The following NEBL variants were observed in gnomAD, a reference collection of about 807,000 sequenced individuals.
The protein encoded by NEBL is nebulette, also known as LIM and SH3 protein 2.
A neutral mutation model predicts 140.2 loss-of-function variants in NEBL; 122 were observed. The ratio of observed to expected loss-of-function variants is 0.87; its 90% CI spans 0.75 to 1.01. The LOEUF (loss-of-function observed/expected upper bound fraction) is 1.01, where lower values mean the gene tolerates loss of function less well. Ranked by LOEUF, NEBL falls within the 50% of genes least tolerant of loss-of-function variation. NEBL has a pLI of 0.00. For missense variants in NEBL, 1,365 were observed against 1,231.3 expected (o/e 1.11, Z -1.62); for synonymous variants, 436 against 398.9 (o/e 1.09, Z -1.11).
In NEBL at chr10:21,244,630, C is replaced by T. The variant is rs1019304569; in HGVS notation, n.348+3291G>A. On this transcript the variant is annotated intron_variant and non_coding_transcript_variant, in intron 3 of 8. Coordinates refer to the NEBL transcript ENST00000675702. ...TTGCACCACTGCACTCCAGCCTGGG[C>T]GAAAAGAGCAAGACTCTGTCTCAAA... Among the ~76,000 whole-genome samples, 85 of 150,656 alleles carry T rather than the reference C, an allele frequency of 5.6e-4. 1 individual carries two copies. The highest frequency in any genetic ancestry group is 1.9e-3 in the African/African-American group (80 of 41,082).
intron 2 of NEBL, among the ~76,000 whole-genome samples, chr10:21,075,717 C>T (rs985063765): frequency 6.6e-6 from 1 of 152,178 alleles, no homozygotes; most frequent in Non-Finnish European, 1.5e-5. Flanking sequence ...CAAGCTAGGG[C>T]ATCAACCATT....
intron 2 of NEBL, among the ~76,000 whole-genome samples, chr10:21,166,234 AAAAAAAAAAAAGAAAAGAAAAAAAAAT>A (rs935356122): frequency 7.8e-5 from 9 of 114,994 alleles, no homozygotes; most frequent in African/African-American, 2.4e-4. Flanking sequence ...AAAAAAAAAA[AAAAAAAAAAAAGAAAAGAAAAAAAAAT>A]TTTCTACATC....
chr10:20,808,164 G>T (rs1397905977), intron 26 of NEBL, among the ~76,000 whole-genome samples: 1 of 151,770 alleles, frequency 6.6e-6, no homozygotes, highest in African/African-American at 2.4e-5. Flanking sequence ...TAAAAACTAT[G>T]CAGAACTCAA....
rs537053489 is a variant in NEBL, at chr10:20,858,459, C to T, written c.799-115G>A. ...GACTATTTAGTGGTAAATGGACAGA[C>T]GAATTTACAAGGAGCCACTAGATGG... On this transcript the variant is annotated intron_variant, in intron 8 of 27. Transcript: ENST00000377122. 4.8e-5 allele frequency: 42 copies of T among 883,008 alleles called. No homozygotes were observed. In the Admixed American group the frequency reaches 4.8e-4, roughly 10 times the overall value. The allele number at this position is 883,008 out of a possible 1,614,324, so 54.7% of individuals were successfully genotyped here.
chr10:20,869,990 T>A (rs1844756372), intron 5 of NEBL, 149 bp from the exon 6 acceptor site: 1 of 664,980 alleles, frequency 1.5e-6, no homozygotes. Context: ...TCTATTTGTA[T>A]AGCTATATTA....
At chr10:21,207,851 T>G (rs1234985685) in intron 3 of NEBL, among the ~76,000 whole-genome samples, 2 of 152,090 alleles carry the variant, frequency 1.3e-5, no homozygotes, top group Admixed American at 1.3e-4. Context: ...CAGGGTCCAA[T>G]GGGGTGAATC....
chr10:20,793,398 T>C, intron 26 of NEBL: 2 of 963,930 alleles, frequency 2.1e-6, no homozygotes, highest in Middle Eastern at 1.1e-3. Context: ...GGACAGGAGA[T>C]TAAGGACTGA....
upstream of NEBL, among the ~76,000 whole-genome samples, chr10:21,177,857 C>T (rs7093130): frequency 0.15 from 22,089 of 151,974 alleles, 3,237 homozygotes; most frequent in African/African-American, 0.37. Flanking sequence ...AAAGGTGAGC[C>T]GTTAGAAGTG....
At chr10:21,068,607 C>G (rs1207390950) in intron 2 of NEBL, among the ~76,000 whole-genome samples, 3 of 152,160 alleles carry the variant, frequency 2.0e-5, no homozygotes, top group Non-Finnish European at 4.4e-5. Context: ...GACACCTGAC[C>G]ATAGACCCCG....
chr10:21,226,380 A>G (rs1021554455), intron 3 of NEBL, among the ~76,000 whole-genome samples: 2 of 152,074 alleles, frequency 1.3e-5, no homozygotes, highest in Non-Finnish European at 2.9e-5. Context: ...TGGTCACCCC[A>G]GCTAGCATCT....
chr10:21,016,359 G>A (rs1023435026), intron 3 of NEBL, among the ~76,000 whole-genome samples: 2 of 152,108 alleles, frequency 1.3e-5, no homozygotes, highest in Non-Finnish European at 2.9e-5. Context: ...TCTGGCACCT[G>A]ATATAGATTC....
chr10:21,214,483 A>G (rs7897353), intron 3 of NEBL, among the ~76,000 whole-genome samples: 25,347 of 151,316 alleles, frequency 0.17, 3,054 homozygotes, highest in African/African-American at 0.35. Context: ...ATGCACACAC[A>G]CGCGCACATT....
At chr10:20,943,046 G>A (rs1262762312) in intron 4 of NEBL, among the ~76,000 whole-genome samples, 3 of 152,146 alleles carry the variant, frequency 2.0e-5, no homozygotes, top group African/African-American at 7.2e-5. Flanking sequence ...CCTCAGGGAT[G>A]TAGAACTAGA....
At chr10:21,029,511 T>C (rs1441006827) in intron 2 of NEBL, 4 of 1,610,510 alleles carry the variant, frequency 2.5e-6, no homozygotes, top group Non-Finnish European at 3.4e-6. Flanking sequence ...TGGACGTTGC[T>C]GATCAAGCAC....
intron 26 of NEBL, among the ~76,000 whole-genome samples, chr10:20,789,626 C>T (rs1306318500): frequency 6.6e-6 from 1 of 152,084 alleles, no homozygotes; most frequent in Admixed American, 6.5e-5. Context: ...AGCAGGAGGA[C>T]TGCTTGAGCC....
chr10:20,819,467 G>C lies in NEBL; in HGVS notation c.2012C>G (p.Pro671Arg). 3 of 1,613,942 alleles carry C rather than the reference G, an allele frequency of 1.9e-6. No individual in the cohort carries two copies. Among genetic ancestry groups the C allele is most frequent in the Non-Finnish European group, 1.7e-6 (2 of 1,179,938 alleles). ...GTTTCGCCTCACTCTCTCTATCTCC[G>C]GGGTCATGCTTACCGGAGTGGCCTT... ...NYKATPVSMTPEIERVRRNQE... is the reference protein window; with the variant it reads ...NYKATPVSMTREIERVRRNQE... The change falls in exon 20 of 28, where the codon CCG becomes CGG. Residue 671 changes from proline to arginine, a missense_variant. Physicochemically the swap from Pro to Arg is moderately radical, Grantham distance 103. This residue lies in a region of NEBL where 1,323 missense variants were observed against 1,154.8 expected (regional missense o/e 1.15). Transcript: ENST00000377122.
At chr10:21,020,004 T>C in intron 3 of NEBL, 13 of 922,978 alleles carry the variant, frequency 1.4e-5, no homozygotes, top group Non-Finnish European at 2.2e-5. Flanking sequence ...GCTTTCAGCC[T>C]CCACACCGGC....
chr10:20,934,997 C>T lies in NEBL; in HGVS notation c.357+26675G>A, dbSNP rs529125526. On this transcript the variant is annotated intron_variant, in intron 4 of 6. Coordinates refer to the NEBL transcript ENST00000417816. Reference sequence around the variant, plus strand: ...TGCTGTGCAATAGTGAAGCAAAGTGCCACACGATTTTATTTATTCGTTAAA... The same window carrying T: ...TGCTGTGCAATAGTGAAGCAAAGTGTCACACGATTTTATTTATTCGTTAAA... Among the ~76,000 whole-genome samples the T allele has an allele frequency of 1.8e-4, 28 of 152,292 alleles. 1 individual carries two copies. In the South Asian group the frequency reaches 3.7e-3, roughly 20 times the overall value.
chr10:20,828,686 G>C (rs1431690960), intron 16 of NEBL, 52 bp from the exon 17 acceptor site: 2 of 1,209,452 alleles, frequency 1.7e-6, no homozygotes. Context: ...GTGCGCACAT[G>C]TGAGAGGGAG....
Sources: allele counts gnomAD v4.1 joint callset (sites outside exome capture counted in the v4.1 genomes callset), GRCh38; gene constraint gnomAD v4.1.1; regional missense constraint gnomAD v4.1.1; transcripts MANE v1.5; gene names NCBI Gene and HGNC (gene_info 2026-07-23, HGNC 2026-07-21).